CCDC7: variants seen among roughly 807,000 people sequenced by gnomAD.
CCDC7 encodes coiled-coil domain containing 7, also known as coiled-coil domain-containing protein 7.
In CCDC7, 183 loss-of-function variants were observed where a neutral mutation model predicts 196.9. That is an observed-to-expected ratio of 0.93 (90% confidence interval 0.82 to 1.05). The LOEUF (loss-of-function observed/expected upper bound fraction) is 1.05. CCDC7 is among the 50% of genes least tolerant of loss of function. CCDC7 has a pLI of 0.00. For synonymous variants in CCDC7, 525 were observed against 484.6 expected (o/e 1.08, Z -1.10); for missense variants, 1,540 against 1,482.2 (o/e 1.04, Z -0.64).
intron 8 of CCDC7, among the ~76,000 whole-genome samples, chr10:32,487,604 A>G (rs996345316): frequency 6.6e-6 from 1 of 151,942 alleles, no homozygotes; most frequent in Non-Finnish European, 1.5e-5. Context: ...TTTTTTCCCC[A>G]TCTTTGTGGT....
chr10:32,618,509 A>G (rs2063022484), intron 18 of CCDC7, among the ~76,000 whole-genome samples: 1 of 152,012 alleles, frequency 6.6e-6, no homozygotes, highest in African/African-American at 2.4e-5. Context: ...AAATTTTCTA[A>G]GTATTTGCTT....
At chr10:32,624,984 G>GTTTTTTTTTTTT (rs35752534) in intron 18 of CCDC7, among the ~76,000 whole-genome samples, 1 of 51,680 alleles carries the variant, frequency 1.9e-5, no homozygotes, top group East Asian at 9.0e-4. Context: ...CTTTGCACAA[G>GTTTTTTTTTTTT]TTTTTTTTTT....
exon 26 of CCDC7, chr10:32,726,826 C>A (rs779423587): frequency 6.4e-7 from 1 of 1,558,848 alleles, no homozygotes; most frequent in South Asian, 1.1e-5. Context: ...AAGGGAAAGG[C>A]GTAATAGTAA....
intron 23 of CCDC7, among the ~76,000 whole-genome samples, chr10:32,690,175 A>G (rs1231929651): frequency 6.6e-6 from 1 of 152,196 alleles, no homozygotes; most frequent in Non-Finnish European, 1.5e-5. Flanking sequence ...CTAATGGCCC[A>G]GTTAAGAGCC....
At chr10:32,455,682 A>C (rs2034179359) in intron 2 of CCDC7, among the ~76,000 whole-genome samples, 3 of 152,236 alleles carry the variant, frequency 2.0e-5, no homozygotes, top group Admixed American at 2.0e-4. Flanking sequence ...TGAAAATCCT[A>C]ACTGTATATA....
chr10:32,666,387 T>G (rs10159899), intron 21 of CCDC7, among the ~76,000 whole-genome samples: 16,030 of 152,012 alleles, frequency 0.11, 1,038 homozygotes, highest in South Asian at 0.25. Context: ...TTCTTTTGTT[T>G]TTTTTATACT....
At chr10:32,670,678 G>A (rs1474880124) in intron 21 of CCDC7, among the ~76,000 whole-genome samples, 4 of 151,794 alleles carry the variant, frequency 2.6e-5, no homozygotes, top group African/African-American at 7.3e-5. Flanking sequence ...TACTGAGAAT[G>A]ATGATTTCCA....
chr10:32,506,352 G>T (rs1238756092), intron 9 of CCDC7, among the ~76,000 whole-genome samples: 1 of 149,850 alleles, frequency 6.7e-6, no homozygotes, highest in Non-Finnish European at 1.5e-5. Context: ...CCGGGCAGAG[G>T]CGCTCTTCAC....
intron 11 of CCDC7, among the ~76,000 whole-genome samples, chr10:32,526,208 G>A (rs1277047938): frequency 6.6e-6 from 1 of 152,218 alleles, no homozygotes; most frequent in Non-Finnish European, 1.5e-5. Flanking sequence ...TGGGTCATGA[G>A]GGCTTCTGCC....
At chr10:32,711,542 T>A (rs952024396) in intron 24 of CCDC7, 78 bp from the exon 26 acceptor site, 4 of 823,932 alleles carry the variant, frequency 4.9e-6, no homozygotes, top group Non-Finnish European at 7.7e-6. Flanking sequence ...TTGCTTCCAC[T>A]TGTTATAAAT....
intron 24 of CCDC7, among the ~76,000 whole-genome samples, chr10:32,704,522 ACT>A (rs1261756648): frequency 1.3e-5 from 2 of 151,896 alleles, no homozygotes; most frequent in African/African-American, 4.8e-5. Flanking sequence ...GAGAACCACT[ACT>A]CTCTTCACAG....
intron 30 of CCDC7, among the ~76,000 whole-genome samples, chr10:32,813,185 G>T (rs2087566685): frequency 6.6e-6 from 1 of 152,158 alleles, no homozygotes; most frequent in African/African-American, 2.4e-5. Flanking sequence ...TACTCTGCTA[G>T]AGCCAATTCT....
chr10:32,747,052 C>T (rs1284901472), intron 28 of CCDC7, among the ~76,000 whole-genome samples: 1 of 152,200 alleles, frequency 6.6e-6, no homozygotes, highest in Admixed American at 6.5e-5. Flanking sequence ...TGCTGGGACC[C>T]CCCCAACTGA....
intron 18 of CCDC7, among the ~76,000 whole-genome samples, chr10:32,633,691 T>TATATAC (rs1415334115): frequency 1.7e-5 from 2 of 120,486 alleles, no homozygotes; most frequent in East Asian, 2.3e-4. Flanking sequence ...TGTATATATA[T>TATATAC]ATATATGTGT....
Position 32,819,816 on chromosome 10 carries a change from C to G in CCDC7, c.3182-4702C>G, listed in dbSNP as rs908690229. Among the ~76,000 whole-genome samples, 40 of 152,244 alleles carry G rather than the reference C, an allele frequency of 2.6e-4. No individual in the cohort carries two copies. The East Asian group carries it at 3.7e-3, about 14-fold the overall frequency. On this transcript the variant is annotated intron_variant, in intron 31 of 41. Coordinates refer to ENST00000639629, the Ensembl canonical transcript of CCDC7. ...AATTAGTTATTGATGGGACATATCT[C>G]AAAATAATAAGAGCTATCTATGACA...
At chr10:32,817,107 G>A (rs149288058) in intron 31 of CCDC7, among the ~76,000 whole-genome samples, 1 of 152,008 alleles carries the variant, frequency 6.6e-6, no homozygotes, top group Non-Finnish European at 1.5e-5. Context: ...TAGACAAATG[G>A]CTAACTAGAA....
chr10:32,483,787 T>G (rs1331951998), intron 8 of CCDC7, among the ~76,000 whole-genome samples: 1 of 152,238 alleles, frequency 6.6e-6, no homozygotes, highest in Non-Finnish European at 1.5e-5. Flanking sequence ...CTCAGGTTTG[T>G]CAAAGATCAG....
intron 38 of CCDC7, 78 bp downstream of exon 39, chr10:32,847,994 G>T (rs150104191): frequency 1.5e-5 from 12 of 778,816 alleles, no homozygotes; most frequent in Middle Eastern, 7.2e-4. Context: ...AATGATAACA[G>T]TACCTATATG....
Position 32,721,923 on chromosome 10 carries a change from T to A in CCDC7, c.2570-4811T>A, listed in dbSNP as rs181384504. On this transcript the variant is annotated intron_variant, in intron 25 of 41. Coordinates refer to ENST00000639629, the Ensembl canonical transcript of CCDC7. ...TTCCTTTGTCTTGGGCAGTAGCCTCTGTGACAGTCACAAAGTCAGTACTGC... is the reference window on the plus strand; with the variant it reads ...TTCCTTTGTCTTGGGCAGTAGCCTCAGTGACAGTCACAAAGTCAGTACTGC... 8.7e-4 allele frequency among the ~76,000 whole-genome samples: 132 copies of A among 152,270 alleles called. 1 individual carries two copies. The highest frequency in any genetic ancestry group is 2.9e-3 in the African/African-American group (120 of 41,574).
Sources: allele counts gnomAD v4.1 joint callset (sites outside exome capture counted in the v4.1 genomes callset), GRCh38; gene constraint gnomAD v4.1.1; transcripts MANE v1.5; gene names NCBI Gene and HGNC (gene_info 2026-07-23, HGNC 2026-07-21).